The following UGT1A6 variants were observed in gnomAD, a reference collection of about 807,000 sequenced individuals.
UGT1A6 encodes UDP glucuronosyltransferase family 1 member A6.
UGT1A6 carries 32 observed loss-of-function variants against 44.4 expected under a neutral mutation model. That is an observed-to-expected ratio of 0.72 (90% CI 0.54 to 0.97). The LOEUF is 0.97. UGT1A6 is among the 50% of genes least tolerant of loss of function. UGT1A6 has a pLI of 0.00. For synonymous variants in UGT1A6, 238 were observed against 248.5 expected (o/e 0.96, Z 0.40); for missense variants, 685 against 661.9 (o/e 1.03, Z -0.38).
rs141814082 is a variant in UGT1A6, at chr2:233,729,618, C to T, written c.861+35753C>T. ...TCTGCGCGGCAGTGCTGGCTAAGTACCTGTCGATTCCTACTGTGTTTTTTT... is the reference window on the plus strand; with the variant it reads ...TCTGCGCGGCAGTGCTGGCTAAGTATCTGTCGATTCCTACTGTGTTTTTTT... On this transcript the variant is annotated intron_variant, in intron 1 of 4. Transcript: ENST00000305139. The T allele has an allele frequency of 3.1e-6, 5 of 1,613,838 alleles. No homozygotes were observed. The South Asian group carries it at 4.4e-5, about 14-fold the overall frequency.
At position 233,769,700 on chromosome 2, in the gene UGT1A6, T is replaced by A; in HGVS notation, c.1301+1261T>A. The A allele has an allele frequency of 3.3e-6, 5 of 1,527,942 alleles. No homozygotes were observed. The highest frequency in any genetic ancestry group is 4.4e-6 in the Non-Finnish European group (5 of 1,136,410). 94.6% of individuals were successfully genotyped at this position (1,527,942 alleles called of 1,614,324 possible). On this transcript the variant is annotated intron_variant, in intron 4 of 4. Transcript: ENST00000305139. This position sits in a 1 kb window ranked among gnomAD's most constrained non-coding sequence, Gnocchi z 4.4. Reference sequence around the variant, plus strand: ...GTGTGTGGTGGCACTGGATAAAAGATCAATGTTGGCTAGGCACCATGGCAC... The same window carrying A: ...GTGTGTGGTGGCACTGGATAAAAGAACAATGTTGGCTAGGCACCATGGCAC...
At chr2:233,712,414 T>A (rs2125628323) in intron 1 of UGT1A6, among the ~76,000 whole-genome samples, 1 of 152,336 alleles carries the variant, frequency 6.6e-6, no homozygotes, top group East Asian at 1.9e-4. Flanking sequence ...CTTTGAGCTT[T>A]ACAAGAAATA....
At chr2:233,729,677 G>A (rs2077906321) in intron 1 of UGT1A6, 6 of 1,613,888 alleles carry the variant, frequency 3.7e-6, no homozygotes, top group Middle Eastern at 1.7e-4. Context: ...GACTTTAAGG[G>A]CACACAGTGT....
At position 233,738,264 on chromosome 2, in the gene UGT1A6, G is replaced by A. The variant is rs569089300; in HGVS notation, c.862-28770G>A. 5.9e-5 allele frequency among the ~76,000 whole-genome samples: 9 copies of A among 152,250 alleles called. No individual in the cohort carries two copies. The East Asian group carries it at 1.7e-3, about 29-fold the overall frequency. On this transcript the variant is annotated intron_variant, in intron 1 of 4. Transcript: ENST00000305139. ...CCACATGGAACTGGAGTCAATTAAA[G>A]CTCTTTCCTTTATAAATTACCCAGT...
upstream of UGT1A6, among the ~76,000 whole-genome samples, chr2:233,692,512 G>A (rs2075099224): frequency 6.6e-6 from 1 of 152,154 alleles, no homozygotes; most frequent in Non-Finnish European, 1.5e-5. Flanking sequence ...TTAACCTGTG[G>A]GGTCCGTGCT....
rs371746067 is a variant in UGT1A6, at chr2:233,749,430, ACT to A, written c.862-17603_862-17602del. On this transcript the variant is annotated intron_variant, in intron 1 of 4. Transcript: ENST00000305139. ...TGTTAACTACATTGCTCAAAACTTC[ACT>A]GTCATCTCAGTGGAGCAGAACGAAT... Among the ~76,000 whole-genome samples, 11 of 151,874 alleles carry A rather than the reference ACT, an allele frequency of 7.2e-5. No individual in the cohort carries two copies. In the East Asian group the frequency reaches 1.7e-3, roughly 24 times the overall value.
Position 233,772,243 on chromosome 2 carries a change from A to G in UGT1A6, c.1302-19A>G, listed in dbSNP as rs763747891. The stretch of plus-strand genomic sequence containing the variant: ...TACCACAGGTGTTCCAGGCATAACG[A>G]AACTGTCTTTGTGTTTAGTTACAAG... On this transcript the variant is annotated intron_variant, in intron 4 of 4. Coordinates refer to ENST00000305139, the MANE Select transcript of UGT1A6 (RefSeq NM_001072.4). 2 of 1,614,184 alleles carry G rather than the reference A, an allele frequency of 1.2e-6. No homozygotes were observed. The highest frequency in any genetic ancestry group is 1.7e-6 in the Non-Finnish European group (2 of 1,180,028).
At position 233,712,021 on chromosome 2, in the gene UGT1A6, C is replaced by G. The variant is rs28898597; in HGVS notation, c.861+18156C>G. ...TCTGGAGGAACCATTCTTATCAGAA[C>G]TTGGTGCTGGATTGACTTGGAAAAA... On this transcript the variant is annotated intron_variant, in intron 1 of 4. Coordinates refer to ENST00000305139, the MANE Select transcript of UGT1A6 (RefSeq NM_001072.4). Among the ~76,000 whole-genome samples, 636 of 152,326 alleles carry G rather than the reference C, an allele frequency of 4.2e-3. 8 individuals carry two copies. Among genetic ancestry groups the G allele is most frequent in the African/African-American group, 0.015 (604 of 41,568 alleles).
At chr2:233,758,766 C>A (rs1239430775) in intron 1 of UGT1A6, among the ~76,000 whole-genome samples, 1 of 152,154 alleles carries the variant, frequency 6.6e-6, no homozygotes, top group Admixed American at 6.5e-5. Flanking sequence ...GTGTATGGTT[C>A]AAATGTTGGG....
chr2:233,759,735 A>G (rs1426005691), intron 1 of UGT1A6, among the ~76,000 whole-genome samples: 1 of 152,016 alleles, frequency 6.6e-6, no homozygotes, highest in Non-Finnish European at 1.5e-5. Flanking sequence ...CTGCAGCCTC[A>G]AGACCCCACA....
At chr2:233,738,315 GTGAA>G (rs1690761880) in intron 1 of UGT1A6, among the ~76,000 whole-genome samples, 1 of 152,192 alleles carries the variant, frequency 6.6e-6, no homozygotes, top group African/African-American at 2.4e-5. Context: ...ATAGCAGTGT[GTGAA>G]TGGACTAATA....
At chr2:233,755,342 A>G in intron 1 of UGT1A6, 1 of 423,680 alleles carries the variant, frequency 2.4e-6, no homozygotes, top group Non-Finnish European at 4.1e-6. Flanking sequence ...CGCACAGGTC[A>G]GAGGCTTGGC....
intron 1 of UGT1A6, among the ~76,000 whole-genome samples, chr2:233,706,029 A>G (rs2075885121): frequency 6.6e-6 from 1 of 152,194 alleles, no homozygotes; most frequent in Non-Finnish European, 1.5e-5. Context: ...TGGGAGGCAG[A>G]GGTTGCAGTG....
intron 1 of UGT1A6, among the ~76,000 whole-genome samples, chr2:233,738,306 T>C (rs181527860): frequency 9.5e-4 from 144 of 152,344 alleles, no homozygotes; most frequent in Non-Finnish European, 1.5e-3. Context: ...TATGTCTTTA[T>C]AGCAGTGTGT....
intron 1 of UGT1A6, among the ~76,000 whole-genome samples, chr2:233,711,666 T>C (rs903465308): frequency 6.6e-6 from 1 of 152,186 alleles, no homozygotes; most frequent in African/African-American, 2.4e-5. Context: ...TGGAATCTAT[T>C]ATCAATGTGG....
intron 1 of UGT1A6, chr2:233,729,898 C>T (rs756538337): frequency 1.5e-5 from 24 of 1,613,872 alleles, no homozygotes; most frequent in East Asian, 4.5e-5. Context: ...GTGGCTGTTC[C>T]GAGGGGACTT....
chr2:233,755,611 T>C (rs1176906643), intron 1 of UGT1A6: 1 of 158,924 alleles, frequency 6.3e-6, no homozygotes, highest in African/African-American at 2.4e-5. Flanking sequence ...AGAACTGTTT[T>C]TCTTAAAGTA....
At chr2:233,706,776 GGAGA>G (rs1475683157) in intron 1 of UGT1A6, among the ~76,000 whole-genome samples, 1 of 152,236 alleles carries the variant, frequency 6.6e-6, no homozygotes, top group East Asian at 1.9e-4. Context: ...TCCATCTCTG[GGAGA>G]GAAATACCAT....
At chr2:233,729,254 G>T (rs1181621220) in intron 1 of UGT1A6, 6 of 1,614,100 alleles carry the variant, frequency 3.7e-6, no homozygotes, top group Middle Eastern at 1.6e-4. Context: ...CACTGGCTCA[G>T]CATGCGGGAG....
Sources: allele counts gnomAD v4.1 joint callset (sites outside exome capture counted in the v4.1 genomes callset), GRCh38; gene constraint gnomAD v4.1.1; non-coding constraint Gnocchi (gnomAD v3.1); transcripts MANE v1.5; gene names NCBI Gene and HGNC (gene_info 2026-07-23, HGNC 2026-07-21).